RAB3C: variants seen among roughly 807,000 people sequenced by gnomAD.
RAB3C encodes ras-related protein Rab-3C.
A neutral mutation model predicts 26.4 loss-of-function variants in RAB3C; 17 were observed. The observed-to-expected ratio is 0.64, with a 90% CI of 0.44 to 0.97. The LOEUF is 0.97. Ranked by LOEUF, RAB3C falls within the 50% of genes least tolerant of loss-of-function variation. The pLI is 0.00. For missense variants in RAB3C, 242 were observed against 281.9 expected, an observed-to-expected ratio of 0.86 and a Z score of 1.01; for synonymous variants, 91 against 95.9, an observed-to-expected ratio of 0.95 and a Z score of 0.30.
At chr5:58,805,330 G>A (rs1026501617) in intron 3 of RAB3C, among the ~76,000 whole-genome samples, 23 of 152,128 alleles carry the variant, frequency 1.5e-4, no homozygotes, top group Non-Finnish European at 2.6e-4. Context: ...GAACAAGGTG[G>A]AACTTGAGCT....
At chr5:58,800,771 G>A (rs1006985492) in intron 3 of RAB3C, among the ~76,000 whole-genome samples, 2 of 152,180 alleles carry the variant, frequency 1.3e-5, no homozygotes, top group Admixed American at 1.3e-4. Context: ...CAGAGTCAGG[G>A]TCCCCAGGGT....
At chr5:58,684,873 A>T (rs1748412922) in intron 2 of RAB3C, among the ~76,000 whole-genome samples, 1 of 152,190 alleles carries the variant, frequency 6.6e-6, no homozygotes, top group African/African-American at 2.4e-5. Flanking sequence ...CAAAAAAGAC[A>T]GTGATGCTAT....
intron 2 of RAB3C, among the ~76,000 whole-genome samples, chr5:58,654,454 TGCC>T (rs1251685933): frequency 5.9e-5 from 9 of 152,354 alleles, no homozygotes; most frequent in African/African-American, 2.2e-4. Flanking sequence ...TATGTGATTA[TGCC>T]ATTTAATTAT....
chr5:58,755,167 G>A (rs2111967515), intron 3 of RAB3C, among the ~76,000 whole-genome samples: 1 of 152,334 alleles, frequency 6.6e-6, no homozygotes, highest in Admixed American at 6.5e-5. Flanking sequence ...AAGGGCACAT[G>A]TGGAATGTGG....
chr5:58,815,441 G>T (rs115018066), intron 3 of RAB3C, among the ~76,000 whole-genome samples: 2,083 of 152,298 alleles, frequency 0.014, 56 homozygotes, highest in African/African-American at 0.047. Context: ...AGATCAGAAA[G>T]GAAAATGTGA....
At position 58,616,139 on chromosome 5, in the gene RAB3C, T is replaced by C. The variant is rs141132313; in HGVS notation, c.25-1504T>C. ...ACCCCAAAGAGAAACAAGTAACTAT[T>C]AATCAGCTTTTATGGGAAATGGAAA... On this transcript the variant is annotated intron_variant, in intron 1 of 4. Coordinates refer to ENST00000282878, the MANE Select transcript of RAB3C (RefSeq NM_138453.4). Among the ~76,000 whole-genome samples, 46 of 152,262 alleles carry C rather than the reference T, an allele frequency of 3.0e-4. No individual in the cohort carries two copies. The East Asian group carries it at 8.5e-3, about 28-fold the overall frequency.
chr5:58,660,351 T>C (rs1333128261), intron 2 of RAB3C, among the ~76,000 whole-genome samples: 1 of 150,040 alleles, frequency 6.7e-6, no homozygotes, highest in Non-Finnish European at 1.5e-5. Context: ...TACTATGTGG[T>C]ATAAACTTCC....
intron 3 of RAB3C, among the ~76,000 whole-genome samples, chr5:58,746,846 A>G (rs1741412279): frequency 1.3e-5 from 2 of 152,180 alleles, no homozygotes; most frequent in Non-Finnish European, 2.9e-5. Flanking sequence ...TTTAATAACT[A>G]CTGTTGATAT....
intron 2 of RAB3C, among the ~76,000 whole-genome samples, chr5:58,676,423 A>G (rs1268906523): frequency 2.0e-5 from 3 of 152,062 alleles, no homozygotes; most frequent in Non-Finnish European, 2.9e-5. Flanking sequence ...GAATCGCTTG[A>G]ACCTGGGAGG....
At chr5:58,833,144 A>G (rs1183915357) in intron 4 of RAB3C, among the ~76,000 whole-genome samples, 2 of 152,156 alleles carry the variant, frequency 1.3e-5, no homozygotes, top group East Asian at 1.9e-4. Flanking sequence ...ATAAAACAAC[A>G]TATGTTTGGA....
intron 4 of RAB3C, chr5:58,847,198 C>T (rs552954190): frequency 2.0e-5 from 3 of 152,322 alleles, no homozygotes; most frequent in Non-Finnish European, 4.4e-5. Flanking sequence ...GCTGAAAATA[C>T]TAATTCTGGA....
At chr5:58,823,871 C>T (rs1283582732) in intron 3 of RAB3C, among the ~76,000 whole-genome samples, 1 of 113,368 alleles carries the variant, frequency 8.8e-6, no homozygotes, top group Non-Finnish European at 1.8e-5. Flanking sequence ...TGCTATCCCT[C>T]CCCCACCCCC....
chr5:58,652,535 G>C (rs1579839198), intron 2 of RAB3C, among the ~76,000 whole-genome samples: 1 of 151,476 alleles, frequency 6.6e-6, no homozygotes, highest in South Asian at 2.1e-4. Context: ...TTATATCTAA[G>C]CTTAGAGCAG....
chr5:58,607,861 C>CCTTTACAGACAAGCAAATG (rs1746606637), intron 1 of RAB3C, among the ~76,000 whole-genome samples: 1 of 152,064 alleles, frequency 6.6e-6, no homozygotes, highest in South Asian at 2.1e-4. Flanking sequence ...ACAAGCAAAT[C>CCTTTACAGACAAGCAAATG]CTTTACAGAC....
At chr5:58,843,755 T>G (rs1743926643) in intron 4 of RAB3C, among the ~76,000 whole-genome samples, 1 of 152,210 alleles carries the variant, frequency 6.6e-6, no homozygotes, top group Admixed American at 6.5e-5. Context: ...CGATATTTTG[T>G]GAAATTCCAT....
intron 1 of RAB3C, among the ~76,000 whole-genome samples, chr5:58,610,668 A>G (rs968133917): frequency 6.6e-6 from 1 of 151,870 alleles, no homozygotes; most frequent in African/African-American, 2.4e-5. Flanking sequence ...TTTTTGGATA[A>G]TTTACCCTAG....
intron 3 of RAB3C, among the ~76,000 whole-genome samples, chr5:58,754,023 G>A (rs201577932): frequency 6.6e-6 from 1 of 152,102 alleles, no homozygotes; most frequent in East Asian, 1.9e-4. Context: ...TGGGGTCGGG[G>A]GGTTGGAAGT....
intron 4 of RAB3C, among the ~76,000 whole-genome samples, chr5:58,847,686 T>A (rs1298296001): frequency 2.0e-5 from 3 of 152,018 alleles, no homozygotes; most frequent in Non-Finnish European, 4.4e-5. Flanking sequence ...GGATAGAAAA[T>A]CAAGCCCCAC....
At chr5:58,725,750 G>C (rs1332667762) in intron 2 of RAB3C, among the ~76,000 whole-genome samples, 1 of 151,820 alleles carries the variant, frequency 6.6e-6, no homozygotes, top group Non-Finnish European at 1.5e-5. Context: ...TAATTATACT[G>C]ATTTGATCTT....
Sources: gnomAD v4.1 joint callset for allele counts (sites outside exome capture counted in the v4.1 genomes callset) on GRCh38, gnomAD v4.1.1 for gene constraint, MANE v1.5 for transcripts, NCBI Gene and HGNC (gene_info 2026-07-23, HGNC 2026-07-21) for gene names.